MCF2L2: variants seen among roughly 807,000 people sequenced by gnomAD.
MCF2L2 encodes probable guanine nucleotide exchange factor MCF2L2.
Under a neutral mutation model 150.2 loss-of-function variants are expected in MCF2L2, and 102 were observed. The observed-to-expected ratio is 0.68, with a 90% CI of 0.58 to 0.80. MCF2L2 has a LOEUF of 0.80. Among genes scored for constraint, MCF2L2 ranks in the 30% least tolerant of loss-of-function variants. The probability of loss-of-function intolerance (pLI) is 0.00; values close to 1 mark genes in which losing one functional copy is unlikely to be tolerated. For synonymous variants in MCF2L2, 465 were observed against 491.3 expected, an observed-to-expected ratio of 0.95 and a Z score of 0.71; for missense variants, 1,256 against 1,372.8, an observed-to-expected ratio of 0.91 and a Z score of 1.34.
At chr3:183,357,583 G>A (rs1711861795) in intron 3 of MCF2L2, among the ~76,000 whole-genome samples, 1 of 152,158 alleles carries the variant, frequency 6.6e-6, no homozygotes. Flanking sequence ...TAAAACGCAA[G>A]CATACGACAC....
At position 183,379,355 on chromosome 3, in the gene MCF2L2, T is replaced by C. The variant is rs2108586954; in HGVS notation, c.217A>G (p.Lys73Glu). 6.2e-7 allele frequency: 1 copy of C among 1,610,964 alleles called. No homozygotes were observed. The highest frequency in any genetic ancestry group is 8.5e-7 in the Non-Finnish European group (1 of 1,178,770). ...IITFPEFSGF[K>E]HIPDEDFLNV... ...AGGAAGTCTTCATCTGGGATGTGTT[T>C]GAACCCCGAAAACTCTGGGAACGTG... Residue 73 changes from lysine to glutamate, a missense_variant, in exon 3 of 30, where the codon AAA becomes GAA. Coordinates refer to ENST00000328913, the MANE Select transcript of MCF2L2 (RefSeq NM_015078.4).
intron 25 of MCF2L2, among the ~76,000 whole-genome samples, chr3:183,205,231 T>C (rs1441680958): frequency 6.6e-6 from 1 of 151,932 alleles, no homozygotes; most frequent in Admixed American, 6.6e-5. Flanking sequence ...ACACACAAAT[T>C]AGCCAGGCGT....
intron 3 of MCF2L2, among the ~76,000 whole-genome samples, chr3:183,362,301 C>G (rs1293033895): frequency 1.3e-5 from 2 of 152,050 alleles, no homozygotes; most frequent in Non-Finnish European, 2.9e-5. Context: ...GATGGACTTT[C>G]ACCACCTTGG....
chr3:183,366,634 A>G (rs1286858494), intron 3 of MCF2L2, among the ~76,000 whole-genome samples: 1 of 152,180 alleles, frequency 6.6e-6, no homozygotes, highest in East Asian at 1.9e-4. Context: ...CAACAGAGCA[A>G]GACTCCGTCT....
At chr3:183,274,557 CG>C (rs1253500869) in intron 15 of MCF2L2, among the ~76,000 whole-genome samples, 7 of 152,122 alleles carry the variant, frequency 4.6e-5, no homozygotes, top group Admixed American at 1.3e-4. Flanking sequence ...TGTAAGCATC[CG>C]AATTATTTGT....
At chr3:183,418,154 C>T (rs1715695964) in intron 1 of MCF2L2, among the ~76,000 whole-genome samples, 2 of 152,150 alleles carry the variant, frequency 1.3e-5, no homozygotes, top group African/African-American at 2.4e-5. Flanking sequence ...TGCCACTCCA[C>T]TACAGCCTGG....
At chr3:183,234,169 C>A (rs114282013) in intron 15 of MCF2L2, among the ~76,000 whole-genome samples, 4,681 of 152,128 alleles carry the variant, frequency 0.031, 115 homozygotes, top group Middle Eastern at 0.068. Context: ...ACCACAGCAA[C>A]AGTTAAGCAT....
chr3:183,247,853 G>A (rs1724326746), intron 15 of MCF2L2, among the ~76,000 whole-genome samples: 1 of 152,134 alleles, frequency 6.6e-6, no homozygotes, highest in Admixed American at 6.5e-5. Context: ...TTGGGCATCT[G>A]TGGACTTTGT....
chr3:183,411,443 A>G (rs1234134997), intron 1 of MCF2L2, among the ~76,000 whole-genome samples: 4 of 152,186 alleles, frequency 2.6e-5, no homozygotes, highest in Non-Finnish European at 5.9e-5. Context: ...CATATTCACT[A>G]ACACCCGAAA....
intron 3 of MCF2L2, among the ~76,000 whole-genome samples, chr3:183,344,007 A>G (rs1016191568): frequency 2.0e-5 from 3 of 152,034 alleles, no homozygotes; most frequent in Non-Finnish European, 2.9e-5. Context: ...TATCTCTACT[A>G]AAATTTAAAA....
intron 15 of MCF2L2, chr3:183,269,615 T>G: frequency 1.8e-6 from 1 of 568,582 alleles, no homozygotes; most frequent in Non-Finnish European, 3.0e-6. Context: ...GGTGTTCCAT[T>G]CTTCCGCAAT....
chr3:183,402,963 C>A (rs930499955), intron 1 of MCF2L2, among the ~76,000 whole-genome samples: 1 of 151,726 alleles, frequency 6.6e-6, no homozygotes, highest in African/African-American at 2.4e-5. Context: ...TTTACTTATT[C>A]TTTACTTGAG....
rs1375540591 is a variant in MCF2L2, at chr3:183,179,126, G to A, written c.*254C>T. ...GCTCCGAATATCGAAGTGCGCGGTC[G>A]AGAAGGCGTGGGCTGCGGGCTCTGC... is the stretch of plus-strand genomic sequence containing the variant. On this transcript the variant is annotated 3_prime_UTR_variant, in exon 30 of 30. Transcript: ENST00000328913. The surrounding 1 kb of genome is among the most constrained non-coding windows in gnomAD (Gnocchi z 4.2). 2.5e-6 allele frequency: 1 copy of A among 399,322 alleles called. No homozygotes were observed. Among genetic ancestry groups the A allele is most frequent in the African/African-American group, 2.1e-5 (1 of 48,522 alleles). The allele number at this position is 399,322 out of a possible 1,614,324, so 24.7% of individuals were successfully genotyped here.
rs888366939 is a variant in MCF2L2 at position 183,295,463 on chromosome 3, T to C, written c.1512A>G (p.Lys504=). 1 of 1,614,132 alleles carries C rather than the reference T, an allele frequency of 6.2e-7. No homozygotes were observed. The highest frequency in any genetic ancestry group is 1.3e-5 in the African/African-American group (1 of 75,046). The change falls in exon 13 of 30, where the codon AAA becomes AAG. Residue 504 remains lysine, a synonymous_variant. Coordinates refer to ENST00000328913, the MANE Select transcript of MCF2L2 (RefSeq NM_015078.4). ...GGACATCATCCAGCCTCTGCAAAAC[T>C]TTCTGGGCTTTGGCCTACAGTAACA... ...LTLDAKAKAQ[K]VLQRLDDVQE...
chr3:183,192,482 C>T lies in MCF2L2; in HGVS notation c.3016+517G>A, dbSNP rs552640003. ...AAAATAAGAGTCACTTGAACACAAA[C>T]ACTGTGATCCTAACAGTCGATTTAA... On this transcript the variant is annotated intron_variant, in intron 27 of 29. Transcript: ENST00000328913. Among the ~76,000 whole-genome samples the T allele has an allele frequency of 9.8e-5, 15 of 152,336 alleles. No individual in the cohort carries two copies. In the South Asian group the frequency reaches 1.7e-3, roughly 17 times the overall value.
intron 1 of MCF2L2, among the ~76,000 whole-genome samples, chr3:183,412,605 A>G (rs181352395): frequency 6.6e-6 from 1 of 152,240 alleles, no homozygotes; most frequent in African/African-American, 2.4e-5. Flanking sequence ...GGCCTTCTCT[A>G]ATAGTATTTT....
intron 1 of MCF2L2, among the ~76,000 whole-genome samples, chr3:183,391,657 A>T (rs563971086): frequency 6.6e-6 from 1 of 152,308 alleles, no homozygotes; most frequent in Non-Finnish European, 1.5e-5. Flanking sequence ...GTGGATAATT[A>T]TTGAAGCTGG....
rs180942983 is a variant in MCF2L2, at chr3:183,202,372, C to G, written c.2884+3504G>C. Among the ~76,000 whole-genome samples the G allele has an allele frequency of 2.2e-3, 340 of 152,234 alleles. 3 individuals carry two copies. Among genetic ancestry groups the G allele is most frequent in the African/African-American group, 7.9e-3 (330 of 41,534 alleles). The stretch of plus-strand genomic sequence containing the variant: ...AAATGAAATGCTCAGGAATAAGATG[C>G]TCATAGAGGGTTGTAAAGGCTCCAA... On this transcript the variant is annotated intron_variant, in intron 25 of 29. Coordinates refer to ENST00000328913, the MANE Select transcript of MCF2L2 (RefSeq NM_015078.4).
rs138980674 is a variant in MCF2L2, at chr3:183,231,677, T to G, written c.1863-660A>C. Among the ~76,000 whole-genome samples the G allele has an allele frequency of 3.6e-4, 54 of 151,882 alleles. 1 individual carries two copies. The East Asian group carries it at 0.01, about 29-fold the overall frequency. Reference sequence around the variant, plus strand: ...TCTTGCTATGTTACCCAGGCTGGTCTCAAACTGCTACTTTCAAGCAATCCT... The same window carrying G: ...TCTTGCTATGTTACCCAGGCTGGTCGCAAACTGCTACTTTCAAGCAATCCT... On this transcript the variant is annotated intron_variant, in intron 15 of 29. Coordinates refer to ENST00000328913, the MANE Select transcript of MCF2L2 (RefSeq NM_015078.4).
Sources: allele counts gnomAD v4.1 joint callset (sites outside exome capture counted in the v4.1 genomes callset), GRCh38; gene constraint gnomAD v4.1.1; non-coding constraint Gnocchi (gnomAD v3.1); transcripts MANE v1.5; gene names NCBI Gene and HGNC (gene_info 2026-07-23, HGNC 2026-07-21).